DCDC1: variants seen among roughly 807,000 people sequenced by gnomAD.
The protein encoded by DCDC1 is doublecortin domain containing 1, also known as doublecortin domain-containing protein 1.
A neutral mutation model predicts 178.3 loss-of-function variants in DCDC1; 200 were observed. The observed-to-expected ratio is 1.12, with a 90% CI of 1.00 to 1.26. The LOEUF is 1.26. Ranked by LOEUF, DCDC1 falls within the 50% of genes most tolerant of loss-of-function variation. The pLI is 0.00. For synonymous variants in DCDC1, 690 were observed against 604.8 expected (o/e 1.14, Z -2.07); for missense variants, 1,983 against 1,749.2 (o/e 1.13, Z -2.38).
intron 13 of DCDC1, among the ~76,000 whole-genome samples, chr11:31,106,572 C>A (rs1958863204): frequency 6.6e-6 from 1 of 152,098 alleles, no homozygotes. Context: ...ACTTCAAGAA[C>A]TATGACAAGG....
chr11:31,152,902 T>C (rs1028317738), intron 9 of DCDC1, among the ~76,000 whole-genome samples: 32 of 152,206 alleles, frequency 2.1e-4, no homozygotes, highest in African/African-American at 7.0e-4. Flanking sequence ...AATCTTCCCA[T>C]GGGCTTTAAT....
At chr11:31,296,398 T>A (rs1947687785) in intron 6 of DCDC1, among the ~76,000 whole-genome samples, 1 of 152,186 alleles carries the variant, frequency 6.6e-6, no homozygotes, top group African/African-American at 2.4e-5. Context: ...GTTTAAGATC[T>A]TCCCTTACTG....
chr11:31,245,641 A>T (rs935282850), intron 8 of DCDC1, among the ~76,000 whole-genome samples: 1 of 151,814 alleles, frequency 6.6e-6, no homozygotes, highest in Admixed American at 6.6e-5. Context: ...AGAAGGCCAG[A>T]GATGGGTATT....
At chr11:31,154,406 G>A (rs1965512067) in intron 9 of DCDC1, among the ~76,000 whole-genome samples, 1 of 152,126 alleles carries the variant, frequency 6.6e-6, no homozygotes, top group African/African-American at 2.4e-5. Flanking sequence ...AGGCCCAGGA[G>A]CCCATCTTTG....
intron 3 of DCDC1, among the ~76,000 whole-genome samples, chr11:31,325,545 A>T (rs1949600806): frequency 6.6e-6 from 1 of 152,146 alleles, no homozygotes; most frequent in Non-Finnish European, 1.5e-5. Flanking sequence ...TGTTATAAGC[A>T]AATGCAGCAT....
At chr11:31,130,711 C>A (rs1011847194) in intron 10 of DCDC1, among the ~76,000 whole-genome samples, 12 of 152,064 alleles carry the variant, frequency 7.9e-5, no homozygotes, top group African/African-American at 1.2e-4. Flanking sequence ...TAAGAGTCAG[C>A]CTTTAACTGT....
Position 31,352,664 on chromosome 11 carries a change from G to A in DCDC1, c.-125+17033C>T, listed in dbSNP as rs545889936. On this transcript the variant is annotated intron_variant, in intron 1 of 38. Transcript: ENST00000684477. ...AAAGTTCACTTAATAATAACATGACGAGCTCAATAAGTCCTTGGAGAAATA... is the reference window on the plus strand; with the variant it reads ...AAAGTTCACTTAATAATAACATGACAAGCTCAATAAGTCCTTGGAGAAATA... Among the ~76,000 whole-genome samples the A allele has an allele frequency of 1.1e-4, 16 of 152,140 alleles. No individual in the cohort carries two copies. In the East Asian group the frequency reaches 1.2e-3, roughly 11 times the overall value.
At chr11:30,872,672 T>C (rs916063028) in intron 38 of DCDC1, among the ~76,000 whole-genome samples, 1 of 152,098 alleles carries the variant, frequency 6.6e-6, no homozygotes, top group African/African-American at 2.4e-5. Flanking sequence ...ATTCTGCTTC[T>C]TTCCATTTGC....
intron 36 of DCDC1, among the ~76,000 whole-genome samples, chr11:30,889,547 C>T (rs764919261): frequency 3.9e-5 from 6 of 152,182 alleles, no homozygotes; most frequent in Non-Finnish European, 5.9e-5. Flanking sequence ...CCAAACCCTA[C>T]CCTTCCTGCT....
chr11:30,979,763 G>T (rs1468229390), intron 20 of DCDC1, among the ~76,000 whole-genome samples: 1 of 152,124 alleles, frequency 6.6e-6, no homozygotes, highest in Non-Finnish European at 1.5e-5. Flanking sequence ...GACCTAGTTT[G>T]AACAGTAATT....
At chr11:31,103,205 A>T (rs192585224) in intron 14 of DCDC1, among the ~76,000 whole-genome samples, 3 of 152,110 alleles carry the variant, frequency 2.0e-5, no homozygotes, top group Non-Finnish European at 4.4e-5. Context: ...AGATCTTCCA[A>T]CTCCTACTCT....
At chr11:31,249,496 T>C (rs546756887) in intron 8 of DCDC1, among the ~76,000 whole-genome samples, 1 of 152,260 alleles carries the variant, frequency 6.6e-6, no homozygotes, top group South Asian at 2.1e-4. Context: ...CAAGGGTAGA[T>C]GAAGTCCTAT....
intron 25 of DCDC1, among the ~76,000 whole-genome samples, chr11:30,918,926 G>T (rs1005194104): frequency 6.6e-6 from 1 of 152,064 alleles, no homozygotes; most frequent in African/African-American, 2.4e-5. Flanking sequence ...ACACCTTTAT[G>T]ATAAAAAAGC....
intron 21 of DCDC1, among the ~76,000 whole-genome samples, chr11:30,942,170 A>G (rs1947696174): frequency 1.3e-5 from 2 of 152,154 alleles, no homozygotes; most frequent in African/African-American, 4.8e-5. Context: ...TTTTCTTATT[A>G]TGGTTACTGA....
At chr11:31,105,122 A>C (rs1482360780) in intron 13 of DCDC1, among the ~76,000 whole-genome samples, 1 of 152,076 alleles carries the variant, frequency 6.6e-6, no homozygotes. Flanking sequence ...TTTTAGACAT[A>C]TACATTTTAA....
intron 2 of DCDC1, among the ~76,000 whole-genome samples, chr11:31,331,770 T>A (rs1373791361): frequency 6.6e-6 from 1 of 152,178 alleles, no homozygotes; most frequent in Non-Finnish European, 1.5e-5. Flanking sequence ...TGCTGCTGGA[T>A]TCGGTTTGCC....
chr11:30,979,394 T>C lies in DCDC1; in HGVS notation c.2592-26826A>G, dbSNP rs117219294. On this transcript the variant is annotated intron_variant, in intron 20 of 38. Coordinates refer to ENST00000684477, the MANE Select transcript of DCDC1 (RefSeq NM_001387274.1). ...AAAGTATTAAAATCAGGTAGGTATT[T>C]ACTAGTTGCATAAATCTTGCATTTC... is the stretch of plus-strand genomic sequence containing the variant. Among the ~76,000 whole-genome samples, 516 of 152,322 alleles carry C rather than the reference T, an allele frequency of 3.4e-3. 4 individuals are homozygous for C. Among genetic ancestry groups the C allele is most frequent in the South Asian group, 5.0e-3 (24 of 4,830 alleles).
intron 12 of DCDC1, among the ~76,000 whole-genome samples, chr11:31,109,047 C>T (rs1565294852): frequency 6.6e-6 from 1 of 151,970 alleles, no homozygotes; most frequent in African/African-American, 2.4e-5. Flanking sequence ...TTATTGCATA[C>T]AGAAGCACAG....
intron 32 of DCDC1, 39 bp downstream of exon 32, chr11:30,903,443 A>AT: frequency 6.7e-7 from 1 of 1,502,158 alleles, no homozygotes; most frequent in South Asian, 1.4e-5. Context: ...ATGATCAAGC[A>AT]TAAGTAGAAT....
Sources: allele counts gnomAD v4.1 joint callset (sites outside exome capture counted in the v4.1 genomes callset), GRCh38; gene constraint gnomAD v4.1.1; transcripts MANE v1.5; gene names NCBI Gene and HGNC (gene_info 2026-07-23, HGNC 2026-07-21).